GRIK4: variants seen among roughly 807,000 people sequenced by gnomAD.
GRIK4 encodes the protein glutamate receptor ionotropic, kainate 4.
Under a neutral mutation model 104.9 loss-of-function variants are expected in GRIK4, and 40 were observed. The observed-to-expected ratio is 0.38, with a 90% CI of 0.30 to 0.50. The LOEUF is 0.50. Among genes scored for constraint, GRIK4 ranks in the 20% least tolerant of loss-of-function variants. GRIK4 has a pLI of 0.93. For synonymous variants in GRIK4, 485 were observed against 524.9 expected (o/e 0.92, Z 1.04); for missense variants, 1,047 against 1,308.1 (o/e 0.80, Z 3.08).
intron 9 of GRIK4, chr11:120,870,151 C>T (rs1054341747): frequency 6.6e-6 from 1 of 152,184 alleles, no homozygotes; most frequent in Non-Finnish European, 1.5e-5. Context: ...TGGGGTCACT[C>T]ACACTGTCCC....
chr11:120,572,833 CTGAT>C (rs1395217386), intron 1 of GRIK4, among the ~76,000 whole-genome samples: 2 of 152,218 alleles, frequency 1.3e-5, no homozygotes, highest in African/African-American at 4.8e-5. Context: ...TTCCCTTCTT[CTGAT>C]TGAGGAACAA....
chr11:120,940,459 T>C lies in GRIK4; in HGVS notation c.1589T>C (p.Met530Thr), dbSNP rs767709188. 1.3e-6 allele frequency: 2 copies of C among 1,535,954 alleles called. No homozygotes were observed. The highest frequency in any genetic ancestry group is 1.8e-6 in the Non-Finnish European group (2 of 1,109,394). Residue 530 changes from methionine to threonine, a missense_variant and splice_region_variant, in exon 14 of 21, where the codon ATG (methionine) becomes ACG (threonine). By Grantham distance (81) the Met-to-Thr change is moderately conservative. Around this residue, in one of 3 missense-constraint regions of GRIK4, gnomAD observed 440 missense variants for 652.3 expected, o/e 0.67. Transcript: ENST00000527524. This position sits in a 1 kb window ranked among gnomAD's most constrained non-coding sequence, Gnocchi z 4.3. ...LGISILYRVH[M>T]GRKPGYFSFL... ...ATTAGCATTCTTTACCGCGTTCATA[T>C]GGTAAGAGACTTATTTTATAAGCAT... is the stretch of plus-strand genomic sequence containing the variant.
At chr11:120,796,166 G>T (rs557632173) in intron 3 of GRIK4, among the ~76,000 whole-genome samples, 3 of 151,530 alleles carry the variant, frequency 2.0e-5, no homozygotes, top group African/African-American at 7.3e-5. Flanking sequence ...CTCCCGAGTA[G>T]CTGGGACTAC....
chr11:120,848,929 C>T (rs1438149727), intron 8 of GRIK4, among the ~76,000 whole-genome samples: 2 of 151,982 alleles, frequency 1.3e-5, no homozygotes, highest in African/African-American at 4.8e-5. Context: ...GCCAGGAAGT[C>T]AATAGAAACT....
intron 11 of GRIK4, among the ~76,000 whole-genome samples, chr11:120,881,114 C>CA (rs1954957884): frequency 6.6e-6 from 1 of 152,332 alleles, no homozygotes; most frequent in African/African-American, 2.4e-5. Context: ...TCTATTAAAA[C>CA]ACAAGGCCCA....
intron 3 of GRIK4, among the ~76,000 whole-genome samples, chr11:120,696,097 G>A (rs1950444796): frequency 6.6e-6 from 1 of 152,216 alleles, no homozygotes; most frequent in Non-Finnish European, 1.5e-5. Flanking sequence ...TAGGGACCCT[G>A]GGAGTGCCTC....
intron 1 of GRIK4, among the ~76,000 whole-genome samples, chr11:120,575,326 T>A (rs1042935467): frequency 1.3e-5 from 2 of 152,144 alleles, no homozygotes; most frequent in African/African-American, 4.8e-5. Flanking sequence ...CCCTCCCCTT[T>A]CCCTGCCCAG....
intron 9 of GRIK4, chr11:120,872,434 TG>T (rs1290090117): frequency 6.3e-6 from 1 of 159,880 alleles, no homozygotes; most frequent in African/African-American, 2.4e-5. Flanking sequence ...GTCCCAGGGC[TG>T]GCTAGGAGGG....
chr11:120,602,376 T>A (rs1031848327), intron 1 of GRIK4, among the ~76,000 whole-genome samples: 2 of 152,168 alleles, frequency 1.3e-5, no homozygotes, highest in African/African-American at 2.4e-5. Context: ...CAGGGGACTG[T>A]TCAGGGAGTG....
chr11:120,643,460 C>A (rs1371337659), intron 1 of GRIK4, among the ~76,000 whole-genome samples: 2 of 152,214 alleles, frequency 1.3e-5, no homozygotes, highest in Non-Finnish European at 1.5e-5. Context: ...AGGGTATCTG[C>A]CAGAGCACAA....
intron 8 of GRIK4, among the ~76,000 whole-genome samples, chr11:120,845,995 G>C (rs141499752): frequency 6.6e-6 from 1 of 152,234 alleles, no homozygotes; most frequent in Non-Finnish European, 1.5e-5. Flanking sequence ...CTTGGGCACA[G>C]CAGTTTCTTA....
Position 120,939,561 on chromosome 11 carries a change from T to C in GRIK4, c.1477-786T>C, listed in dbSNP as rs1943672117. Among the ~76,000 whole-genome samples, 1 of 152,176 alleles carries C rather than the reference T, an allele frequency of 6.6e-6. No homozygotes were observed. The highest frequency in any genetic ancestry group is 2.1e-4 in the South Asian group (1 of 4,830). Reference sequence around the variant, plus strand: ...TCACTGTGGGACAAATGGGGTTGCATTAAGGTTTTTCTGATTTCTGTGGTT... The same window carrying C: ...TCACTGTGGGACAAATGGGGTTGCACTAAGGTTTTTCTGATTTCTGTGGTT... On this transcript the variant is annotated intron_variant, in intron 13 of 20. Coordinates refer to ENST00000527524, the MANE Select transcript of GRIK4 (RefSeq NM_014619.5). The surrounding 1 kb of genome is among the most constrained non-coding windows in gnomAD (Gnocchi z 5.6).
chr11:120,820,022 T>C (rs1953068678), intron 6 of GRIK4, 102 bp downstream of exon 6: 2 of 1,089,880 alleles, frequency 1.8e-6, no homozygotes, highest in Non-Finnish European at 2.7e-6. Context: ...AAGGGGAGGC[T>C]TCCTTCAGAT....
At chr11:120,833,595 C>T (rs1309316380) in intron 7 of GRIK4, among the ~76,000 whole-genome samples, 2 of 152,178 alleles carry the variant, frequency 1.3e-5, no homozygotes, top group Non-Finnish European at 2.9e-5. Flanking sequence ...TGGGGGCCAG[C>T]CTTGTGCCCT....
At chr11:120,796,847 C>T (rs558578432) in intron 3 of GRIK4, among the ~76,000 whole-genome samples, 2 of 129,948 alleles carry the variant, frequency 1.5e-5, no homozygotes, top group African/African-American at 2.9e-5. Flanking sequence ...CTCTCGGGGT[C>T]GCCACGGCCA....
In GRIK4 at chr11:120,815,437, TC is replaced by T; in HGVS notation, c.309del (p.Ser104AlafsTer34). 1 of 1,552,166 alleles carries T rather than the reference TC, an allele frequency of 6.4e-7. No individual in the cohort carries two copies. The highest frequency in any genetic ancestry group is 8.7e-7 in the Non-Finnish European group (1 of 1,147,006). Reference protein sequence around the residue: ...AVLGPSSSPASSSIISNICGE... With the variant: ...AVLGPSSSPAXSSIISNICGE... The stretch of plus-strand genomic sequence containing the variant: ...CCTCGGACCATCGTCCAGCCCAGCC[TC>T]CAGCTCCATCATCAGCAACATCTGT... On this transcript the variant is annotated frameshift_variant, in exon 5 of 21. Transcript: ENST00000527524. LOFTEE classifies it high-confidence loss of function.
intron 13 of GRIK4, among the ~76,000 whole-genome samples, chr11:120,937,500 C>G (rs1943623339): frequency 6.6e-6 from 1 of 152,182 alleles, no homozygotes; most frequent in Non-Finnish European, 1.5e-5. Flanking sequence ...CGCCACAAAC[C>G]TTTCATGGCT....
intron 13 of GRIK4, among the ~76,000 whole-genome samples, chr11:120,921,631 A>G (rs1943230566): frequency 6.6e-6 from 1 of 152,126 alleles, no homozygotes; most frequent in African/African-American, 2.4e-5. Context: ...TGGCTCCCAC[A>G]GCTGGGCCTC....
intron 3 of GRIK4, among the ~76,000 whole-genome samples, chr11:120,789,089 C>T (rs1195449692): frequency 2.0e-5 from 3 of 152,108 alleles, no homozygotes; most frequent in Non-Finnish European, 4.4e-5. Flanking sequence ...GGTTCTTCCT[C>T]TCCTGTTACT....
Sources: gnomAD v4.1 joint callset for allele counts (sites outside exome capture counted in the v4.1 genomes callset) on GRCh38, gnomAD v4.1.1 for gene constraint, gnomAD v4.1.1 regional missense constraint, Gnocchi (gnomAD v3.1) non-coding constraint, MANE v1.5 for transcripts, NCBI Gene and HGNC (gene_info 2026-07-23, HGNC 2026-07-21) for gene names.